The following NBAS variants were observed in gnomAD, a reference collection of about 807,000 sequenced individuals.
NBAS encodes the protein NAG/BC035112 fusion.
In NBAS, 219 loss-of-function variants were observed where a neutral mutation model predicts 302.5. The ratio of observed to expected loss-of-function variants is 0.72; its 90% confidence interval spans 0.65 to 0.81. The LOEUF (loss-of-function observed/expected upper bound fraction) is 0.81. NBAS is among the 30% of genes least tolerant of loss of function. The pLI, the probability that NBAS is intolerant of heterozygous loss-of-function variation, is 0.00. For missense variants in NBAS, 2,932 were observed against 2,841.6 expected, an observed-to-expected ratio of 1.03 and a Z score of -0.72; for synonymous variants, 1,118 against 1,021.6, an observed-to-expected ratio of 1.09 and a Z score of -1.80.
In NBAS at chr2:15,468,510, C is replaced by A. The variant is rs770446752; in HGVS notation, c.1749G>T (p.Trp583Cys). 1 of 1,613,866 alleles carries A rather than the reference C, an allele frequency of 6.2e-7. No individual in the cohort carries two copies. Residue 583 changes from tryptophan (W) to cysteine (C), a missense_variant, in exon 17 of 52, where the codon TGG (tryptophan) becomes TGT (cysteine). Physicochemically the swap from Trp to Cys is radical, Grantham distance 215. Coordinates refer to ENST00000281513, the MANE Select transcript of NBAS (RefSeq NM_015909.4). ...CTCTTTCCAAACACTCATGGAGAACCCAGGATCGCTTCTTTATTTTACTCT... is the reference window on the plus strand; with the variant it reads ...CTCTTTCCAAACACTCATGGAGAACACAGGATCGCTTCTTTATTTTACTCT... ...NYLSKIKKRS[W>C]VLHECLERVP...
chr2:15,523,009 T>C (rs1248326418), intron 9 of NBAS, among the ~76,000 whole-genome samples: 1 of 152,204 alleles, frequency 6.6e-6, no homozygotes, highest in Non-Finnish European at 1.5e-5. Flanking sequence ...AGATCGATCA[T>C]CTATCTGAAA....
the NBAS span, among the ~76,000 whole-genome samples, chr2:15,044,595 A>G: frequency 1.3e-5 from 2 of 152,240 alleles, no homozygotes; most frequent in African/African-American, 4.8e-5. Context: ...CTATGAGTTG[A>G]AACTCCAAAG....
At chr2:15,353,819 T>C in intron 33 of NBAS, 109 bp from the exon 34 acceptor site, 1 of 1,280,926 alleles carries the variant, frequency 7.8e-7, no homozygotes. Context: ...CAAAGCAAAA[T>C]CATAGTCATT....
chr2:15,048,658 T>C, the NBAS span, among the ~76,000 whole-genome samples: 1 of 152,212 alleles, frequency 6.6e-6, no homozygotes, highest in Non-Finnish European at 1.5e-5. Flanking sequence ...GCCACTGTCC[T>C]GACCTGGGAC....
At chr2:15,011,753 C>T in the NBAS span, among the ~76,000 whole-genome samples, 5 of 152,128 alleles carry the variant, frequency 3.3e-5, no homozygotes, top group Non-Finnish European at 5.9e-5. Flanking sequence ...TTCATGCCAC[C>T]ACTACCACAA....
At chr2:15,010,389 A>C in the NBAS span, among the ~76,000 whole-genome samples, 1 of 152,224 alleles carries the variant, frequency 6.6e-6, no homozygotes, top group Non-Finnish European at 1.5e-5. Context: ...GTATTATGTT[A>C]GTGTGAGAAA....
intron 44 of NBAS, among the ~76,000 whole-genome samples, chr2:15,244,560 C>T (rs114437964): frequency 0.045 from 6,866 of 152,248 alleles, 224 homozygotes; most frequent in Non-Finnish European, 0.06. Context: ...CCAAGGTGAG[C>T]GCTTAATGCA....
chr2:15,005,421 C>A, the NBAS span, among the ~76,000 whole-genome samples: 2 of 152,224 alleles, frequency 1.3e-5, no homozygotes, highest in Non-Finnish European at 2.9e-5. Flanking sequence ...TTCATTTACA[C>A]AATGCACTAG....
chr2:15,125,783 A>C, the NBAS span, among the ~76,000 whole-genome samples: 9 of 152,106 alleles, frequency 5.9e-5, no homozygotes, highest in Non-Finnish European at 1.0e-4. Context: ...GGAAGTAAGT[A>C]ATTTGGTTTT....
the NBAS span, among the ~76,000 whole-genome samples, chr2:14,796,995 C>A: frequency 6.8e-6 from 1 of 146,666 alleles, no homozygotes; most frequent in Non-Finnish European, 1.5e-5. Flanking sequence ...GAGGCTGAGG[C>A]AGGAGAATGG....
At chr2:15,135,921 A>G in the NBAS span, among the ~76,000 whole-genome samples, 2 of 152,018 alleles carry the variant, frequency 1.3e-5, no homozygotes, top group South Asian at 2.1e-4. Context: ...ATTTTAAGAA[A>G]TTTGACGAAT....
the NBAS span, among the ~76,000 whole-genome samples, chr2:15,066,738 A>G: frequency 0.51 from 76,911 of 151,674 alleles, 21,725 homozygotes; most frequent in Non-Finnish European, 0.62. Flanking sequence ...ACACTTGTAC[A>G]CTGTTAATTT....
chr2:15,046,164 A>C, the NBAS span, among the ~76,000 whole-genome samples: 1 of 152,200 alleles, frequency 6.6e-6, no homozygotes, highest in African/African-American at 2.4e-5. Context: ...CATTTGAAAT[A>C]AGCCCAGTTC....
At chr2:15,181,053 G>A (rs533248065) in intron 50 of NBAS, among the ~76,000 whole-genome samples, 3 of 152,116 alleles carry the variant, frequency 2.0e-5, no homozygotes, top group East Asian at 3.9e-4. Context: ...GTCATTCATC[G>A]GTCTACCTGC....
the NBAS span, among the ~76,000 whole-genome samples, chr2:14,937,355 G>A: frequency 9.2e-5 from 14 of 152,326 alleles, no homozygotes; most frequent in African/African-American, 2.6e-4. Context: ...ACAACCACAC[G>A]CACAGCAAGT....
At chr2:15,174,312 G>A (rs1385053048) in intron 51 of NBAS, among the ~76,000 whole-genome samples, 1 of 152,174 alleles carries the variant, frequency 6.6e-6, no homozygotes, top group Non-Finnish European at 1.5e-5. Context: ...GAAGGTTCTG[G>A]TGCCTTCATG....
chr2:14,941,450 C>T, the NBAS span, among the ~76,000 whole-genome samples: 1 of 152,180 alleles, frequency 6.6e-6, no homozygotes, highest in Admixed American at 6.5e-5. Flanking sequence ...AATTGCTGAC[C>T]TCATCTAAGT....
intron 7 of NBAS, 57 bp from the exon 8 acceptor site, chr2:15,536,608 C>T: frequency 1.4e-6 from 2 of 1,425,086 alleles, no homozygotes; most frequent in Non-Finnish European, 1.9e-6. Flanking sequence ...TAAAAGTTAA[C>T]ACATGCATAA....
intron 12 of NBAS, among the ~76,000 whole-genome samples, chr2:15,482,243 G>A (rs534376339): frequency 6.6e-5 from 10 of 152,076 alleles, no homozygotes; most frequent in African/African-American, 2.2e-4. Flanking sequence ...TGATCTTCCC[G>A]ACTCAGCCTC....
Sources: allele counts gnomAD v4.1 joint callset (sites outside exome capture counted in the v4.1 genomes callset), GRCh38; gene constraint gnomAD v4.1.1; transcripts MANE v1.5; gene names NCBI Gene and HGNC (gene_info 2026-07-23, HGNC 2026-07-21).